RAB44: variants seen among roughly 807,000 people sequenced by gnomAD.
RAB44 encodes the protein ras-related protein Rab-44.
A neutral mutation model predicts 93.3 loss-of-function variants in RAB44; 67 were observed. The ratio of observed to expected loss-of-function variants is 0.72; its 90% CI spans 0.59 to 0.88. The LOEUF (loss-of-function observed/expected upper bound fraction) is 0.88, where lower values mean the gene tolerates loss of function less well. Among genes scored for constraint, RAB44 ranks in the 40% least tolerant of loss-of-function variants. The pLI is 0.00. For synonymous variants in RAB44, 427 were observed against 520.3 expected (o/e 0.82, Z 2.44); for missense variants, 1,064 against 1,261.7 (o/e 0.84, Z 2.37).
chr6:36,724,686 AACC>A (rs1312232823), intron 9 of RAB44, among the ~76,000 whole-genome samples: 4 of 152,014 alleles, frequency 2.6e-5, no homozygotes, highest in African/African-American at 9.7e-5. Flanking sequence ...CCAACCAACC[AACC>A]AACCAACCAG....
chr6:36,722,484 G>T lies in RAB44; in HGVS notation c.2350G>T (p.Ala784Ser), dbSNP rs574269191. 6.8e-7 allele frequency: 1 copy of T among 1,474,914 alleles called. No homozygotes were observed. The highest frequency in any genetic ancestry group is 9.0e-7 in the Non-Finnish European group (1 of 1,113,486). The allele number at this position is 1,474,914 out of a possible 1,614,324, so 91.4% of individuals were successfully genotyped here. A position where few individuals can be genotyped will look rare whatever the true frequency, so the allele number is the denominator to read the frequency against. ...QPRPSLTTAH[A>S]EEQGPPHSRE... ...CAGGCCATCCCTCACGACTGCTCAC[G>T]CAGAAGAACAAGGCCCGCCTCACTC... Residue 784 changes from alanine (A) to serine (S), a missense_variant, in exon 9 of 14, where the codon GCA (alanine) becomes TCA (serine). Coordinates refer to ENST00000612677, the MANE Select transcript of RAB44 (RefSeq NM_001257357.2).
intron 4 of RAB44, among the ~76,000 whole-genome samples, chr6:36,716,576 C>T (rs1434435734): frequency 1.3e-5 from 2 of 152,148 alleles, no homozygotes; most frequent in East Asian, 1.9e-4. Context: ...TTGCCCTCAC[C>T]CACTGGCCCA....
intron 6 of RAB44, among the ~76,000 whole-genome samples, 169 bp downstream of exon 6, chr6:36,718,287 G>A (rs562101048): frequency 3.9e-5 from 6 of 152,184 alleles, no homozygotes; most frequent in Non-Finnish European, 7.4e-5. Flanking sequence ...GGGGAGTGTC[G>A]AGCCTGGGCC....
Position 36,697,847 on chromosome 6 carries a change from G to A in RAB44, c.-81G>A, listed in dbSNP as rs982874276. On this transcript the variant is annotated 5_prime_UTR_variant, in exon 1 of 14. Transcript: ENST00000612677. Reference sequence around the variant, plus strand: ...AGTTCTAGAGCTCGTGGGCTCCGCAGGGCAGCAGTCACCCTACCACCAGGT... The same window carrying A: ...AGTTCTAGAGCTCGTGGGCTCCGCAAGGCAGCAGTCACCCTACCACCAGGT... 6.6e-6 allele frequency: 1 copy of A among 152,342 alleles called. No homozygotes were observed. The highest frequency in any genetic ancestry group is 2.4e-5 in the African/African-American group (1 of 41,456). 9.4% of individuals were successfully genotyped at this position (152,342 alleles called of 1,614,324 possible).
chr6:36,701,216 T>C (rs1762500805), intron 1 of RAB44, among the ~76,000 whole-genome samples: 1 of 152,190 alleles, frequency 6.6e-6, no homozygotes, highest in South Asian at 2.1e-4. Context: ...TTCAAGTGAT[T>C]GTCCCACCTC....
At chr6:36,700,884 TA>T (rs1230579025) in intron 1 of RAB44, among the ~76,000 whole-genome samples, 1 of 152,116 alleles carries the variant, frequency 6.6e-6, no homozygotes, top group Non-Finnish European at 1.5e-5. Context: ...GCTCCCCTCT[TA>T]GGGGGGATGG....
At chr6:36,720,238 A>T in intron 7 of RAB44, 125 bp from the exon 8 acceptor site, 1 of 798,460 alleles carries the variant, frequency 1.3e-6, no homozygotes, top group Non-Finnish European at 1.7e-6. Flanking sequence ...CACTACTCTG[A>T]TTTAAGCTGG....
chr6:36,700,407 T>C (rs1476887747), intron 1 of RAB44, among the ~76,000 whole-genome samples: 1 of 152,206 alleles, frequency 6.6e-6, no homozygotes, highest in Admixed American at 6.5e-5. Context: ...CTGACCCTCA[T>C]AGTTCTGAGG....
intron 7 of RAB44, among the ~76,000 whole-genome samples, chr6:36,719,483 G>A (rs1267588033): frequency 6.6e-6 from 1 of 152,180 alleles, no homozygotes; most frequent in Non-Finnish European, 1.5e-5. Context: ...CCAACTATGT[G>A]CCAGACACTG....
chr6:36,704,357 C>T lies in RAB44; in HGVS notation c.122C>T (p.Ser41Phe). The T allele has an allele frequency of 2.0e-6, 3 of 1,536,114 alleles. No homozygotes were observed. In the South Asian group the frequency reaches 3.6e-5, roughly 18 times the overall value. The change falls in exon 2 of 14, where the codon TCC (serine) becomes TTC (phenylalanine). Residue 41 changes from serine (S) to phenylalanine (F), a missense_variant. Physicochemically the swap from Ser to Phe is radical, Grantham distance 155 (BLOSUM62 -2). Transcript: ENST00000612677. ...GTGGCCCCAGAGCCAGAGTCTTGGT[C>T]CTCTCAGGCAGCGGCAGAACTGCAG... Reference protein sequence around the residue: ...AAVAPEPESWSSQAAAELQAF... With the variant: ...AAVAPEPESWFSQAAAELQAF...
At position 36,704,104 on chromosome 6, in the gene RAB44, C is replaced by G. The variant is rs142969546; in HGVS notation, c.-12-120C>G. The G allele has an allele frequency of 2.3e-4, 203 of 897,886 alleles. No homozygotes were observed. In the East Asian group the frequency reaches 4.4e-3, roughly 20 times the overall value. 55.6% of individuals were successfully genotyped at this position (897,886 alleles called of 1,614,324 possible). On this transcript the variant is annotated intron_variant, in intron 1 of 13. Coordinates refer to ENST00000612677, the MANE Select transcript of RAB44 (RefSeq NM_001257357.2). ...AGGACCCGGCGGGACACCATCAGGC[C>G]GGGCTTTGGCAGCCACAGTGGATTT...
chr6:36,724,565 G>A (rs947353745), intron 9 of RAB44, among the ~76,000 whole-genome samples: 8 of 152,120 alleles, frequency 5.3e-5, no homozygotes, highest in African/African-American at 1.4e-4. Flanking sequence ...TTAGAATGGA[G>A]CCTCCTCCTT....
chr6:36,706,418 A>C (rs1345462617), intron 2 of RAB44, among the ~76,000 whole-genome samples: 1 of 152,184 alleles, frequency 6.6e-6, no homozygotes, highest in Non-Finnish European at 1.5e-5. Flanking sequence ...TCACCTGTAA[A>C]TTTAAATGGC....
rs374734768 is a variant in RAB44, at chr6:36,698,332, GC to G, written c.-13+420del. On this transcript the variant is annotated intron_variant, in intron 1 of 13. Coordinates refer to ENST00000612677, the MANE Select transcript of RAB44 (RefSeq NM_001257357.2). ...GTGGAGAGCAGACCCAGTTCTGAGC[GC>G]CCTTTGGTGAGACAGTGATGGATAC... Among the ~76,000 whole-genome samples the G allele has an allele frequency of 1.7e-3, 258 of 152,286 alleles. 1 individual carries two copies. Among genetic ancestry groups the G allele is most frequent in the Middle Eastern group, 6.8e-3 (2 of 294 alleles).
chr6:36,729,004 C>T (rs371604671), intron 12 of RAB44, among the ~76,000 whole-genome samples: 3 of 152,308 alleles, frequency 2.0e-5, no homozygotes, highest in South Asian at 4.1e-4. Flanking sequence ...TCTGGAGATG[C>T]GCTTTAAGCC....
intron 7 of RAB44, among the ~76,000 whole-genome samples, chr6:36,718,902 C>A (rs1342402980): frequency 6.8e-6 from 1 of 147,774 alleles, no homozygotes; most frequent in African/African-American, 2.5e-5. Flanking sequence ...GGGTCTGAGA[C>A]CCTGCCCCAT....
chr6:36,705,298 A>T (rs1324867816), intron 2 of RAB44, among the ~76,000 whole-genome samples: 4 of 152,032 alleles, frequency 2.6e-5, no homozygotes, highest in Non-Finnish European at 5.9e-5. Flanking sequence ...TAACTTCAGT[A>T]ATTTTGGGGA....
chr6:36,724,605 T>G (rs775360511), intron 9 of RAB44, among the ~76,000 whole-genome samples: 2 of 152,076 alleles, frequency 1.3e-5, no homozygotes. Context: ...CTCACAAAAT[T>G]CAATCAAGAA....
chr6:36,723,052 A>T (rs1388981327), intron 9 of RAB44, among the ~76,000 whole-genome samples: 1 of 152,282 alleles, frequency 6.6e-6, no homozygotes, highest in Non-Finnish European at 1.5e-5. Flanking sequence ...GCCCATGGGC[A>T]GGCCAGAGCA....
Sources: gnomAD v4.1 joint callset for allele counts (sites outside exome capture counted in the v4.1 genomes callset) on GRCh38, gnomAD v4.1.1 for gene constraint, MANE v1.5 for transcripts, NCBI Gene and HGNC (gene_info 2026-07-23, HGNC 2026-07-21) for gene names.